BTNL9: variants seen among roughly 807,000 people sequenced by gnomAD.
The protein encoded by BTNL9 is butyrophilin like 9, also known as butyrophilin-like protein 9.
Under a neutral mutation model 45.8 loss-of-function variants are expected in BTNL9, and 45 were observed. That is an observed-to-expected ratio of 0.98 (90% confidence interval 0.77 to 1.26). BTNL9 has a LOEUF of 1.26. Ranked by LOEUF, BTNL9 falls within the 50% of genes most tolerant of loss-of-function variation. BTNL9 has a pLI of 0.00. For synonymous variants in BTNL9, 346 were observed against 330.8 expected, an observed-to-expected ratio of 1.05 and a Z score of -0.50; for missense variants, 784 against 729.7, an observed-to-expected ratio of 1.07 and a Z score of -0.86.
intron 2 of BTNL9, 152 bp from the exon 3 acceptor site, chr5:181,047,775 T>C (rs1761260881): frequency 1.3e-6 from 1 of 777,488 alleles, no homozygotes; most frequent in Admixed American, 3.0e-5. Flanking sequence ...TAAAAATTAC[T>C]TGTTCAAGGA....
Position 181,060,354 on chromosome 5 carries a change from A to G in BTNL9, c.*492A>G, listed in dbSNP as rs1164977749. 2 of 152,738 alleles carry G rather than the reference A, an allele frequency of 1.3e-5. No homozygotes were observed. Among genetic ancestry groups the G allele is most frequent in the Non-Finnish European group, 2.9e-5 (2 of 68,448 alleles). The allele number at this position is 152,738 out of a possible 1,614,324, so 9.5% of individuals were successfully genotyped here. On this transcript the variant is annotated 3_prime_UTR_variant, in exon 11 of 11. Transcript: ENST00000327705. The stretch of plus-strand genomic sequence containing the variant: ...TTCCCATTAAAATGAAGTTGGAGGA[A>G]CAGCTGCTTCTGGAGCCGGGGCAAA...
rs1381541650 is a variant in BTNL9 at position 181,050,949 on chromosome 5, T to C, written c.736+580T>C. 6.6e-6 allele frequency among the ~76,000 whole-genome samples: 1 copy of C among 151,598 alleles called. No individual in the cohort carries two copies. The highest frequency in any genetic ancestry group is 1.5e-5 in the Non-Finnish European group (1 of 67,880). ...TAAAATTACAAAAATTAGCCCGGCA[T>C]AGTGGCAGGCGCCTGTAATCCCAGC... is the stretch of plus-strand genomic sequence containing the variant. On this transcript the variant is annotated intron_variant, in intron 4 of 10. Transcript: ENST00000327705. The surrounding 1 kb of genome is among the most constrained non-coding windows in gnomAD (Gnocchi z 4.9).
rs972132601 is a variant in BTNL9 at position 181,053,653 on chromosome 5, G to C, written c.886+152G>C. On this transcript the variant is annotated intron_variant, in intron 6 of 10. Coordinates refer to ENST00000327705, the MANE Select transcript of BTNL9 (RefSeq NM_152547.5). The surrounding 1 kb of genome is among the most constrained non-coding windows in gnomAD (Gnocchi z 6.5). The stretch of plus-strand genomic sequence containing the variant: ...GGGGATCGGTGACCCCGGTGGGGAA[G>C]GGGGAAGATCGTTCATATGGACAAA... The C allele has an allele frequency of 2.0e-5, 30 of 1,535,918 alleles. 1 individual carries two copies. In the Admixed American group the frequency reaches 3.2e-4, roughly 17 times the overall value.
Position 181,053,546 on chromosome 5 carries a change from A to G in BTNL9, c.886+45A>G, listed in dbSNP as rs1405228777. ...TCTGCACGCACCTGCCCAAGTGCCA[A>G]AACCCGCCGTCATCTAAAGGCTGTG... On this transcript the variant is annotated intron_variant, in intron 6 of 10. Transcript: ENST00000327705. This position sits in a 1 kb window ranked among gnomAD's most constrained non-coding sequence, Gnocchi z 6.5. 9 of 1,556,066 alleles carry G rather than the reference A, an allele frequency of 5.8e-6. No homozygotes were observed. Among genetic ancestry groups the G allele is most frequent in the Non-Finnish European group, 7.0e-6 (8 of 1,149,680 alleles).
intron 9 of BTNL9, among the ~76,000 whole-genome samples, chr5:181,056,382 A>G (rs1761882826): frequency 1.3e-5 from 2 of 152,212 alleles, no homozygotes; most frequent in Admixed American, 1.3e-4. Context: ...TATTCTTGCA[A>G]AATGTGAATA....
chr5:181,046,422 C>T (rs2113169852), intron 2 of BTNL9, among the ~76,000 whole-genome samples: 1 of 152,272 alleles, frequency 6.6e-6, no homozygotes, highest in Non-Finnish European at 1.5e-5. Context: ...AACTCACTGG[C>T]CTGTGTTTGT....
At chr5:181,052,657 C>G (rs555310795) in intron 4 of BTNL9, 14 of 152,342 alleles carry the variant, frequency 9.2e-5, no homozygotes, top group African/African-American at 3.1e-4. Context: ...GCGCTGCCCC[C>G]GGCCACGTCC....
rs1186218401 is a variant in BTNL9, at chr5:181,048,135, G to T, written c.318G>T (p.Leu106Phe). Reference sequence around the variant, plus strand: ...CGGCGTTCCGGAACAGGACCAAGTTGGTCAAGGACGACATCGCCTATGGCA... The same window carrying T: ...CGGCGTTCCGGAACAGGACCAAGTTTGTCAAGGACGACATCGCCTATGGCA... ...QMPAFRNRTKLVKDDIAYGSV... is the reference protein window; with the variant it reads ...QMPAFRNRTKFVKDDIAYGSV... Residue 106 changes from leucine to phenylalanine, a missense_variant, in exon 3 of 11, where the codon TTG (leucine) becomes TTT (phenylalanine). Physicochemically the swap from Leu to Phe is conservative, Grantham distance 22 (BLOSUM62 0). Transcript: ENST00000327705. 1.2e-6 allele frequency: 2 copies of T among 1,613,526 alleles called. No individual in the cohort carries two copies. The highest frequency in any genetic ancestry group is 1.7e-6 in the Non-Finnish European group (2 of 1,180,040).
chr5:181,049,402 T>C (rs1224712821), intron 3 of BTNL9, among the ~76,000 whole-genome samples: 1 of 152,214 alleles, frequency 6.6e-6, no homozygotes, highest in East Asian at 1.9e-4. Flanking sequence ...TGAGGTGGTC[T>C]CTGAATGGAT....
rs548083666 is a variant in BTNL9, at chr5:181,050,879, G to C, written c.736+510G>C. Among the ~76,000 whole-genome samples the C allele has an allele frequency of 5.3e-5, 8 of 152,184 alleles. No homozygotes were observed. The highest frequency in any genetic ancestry group is 1.9e-4 in the African/African-American group (8 of 41,532). ...CAAGGCGGGTGGATCATGAGGTCAG[G>C]AGTTCAAGACCAGCCTGGCCAAGAT... On this transcript the variant is annotated intron_variant, in intron 4 of 10. Transcript: ENST00000327705. This position sits in a 1 kb window ranked among gnomAD's most constrained non-coding sequence, Gnocchi z 4.9.
Position 181,059,969 on chromosome 5 carries a change from T to G in BTNL9, c.*107T>G. On this transcript the variant is annotated 3_prime_UTR_variant, in exon 11 of 11. Coordinates refer to ENST00000327705, the MANE Select transcript of BTNL9 (RefSeq NM_152547.5). ...GGGAGCAGGTGCACCAGCCAAAATG[T>G]CAGCGAGGGGGACAAAGAGAGGGAC... is the stretch of plus-strand genomic sequence containing the variant. 2.0e-6 allele frequency: 2 copies of G among 1,024,012 alleles called. No individual in the cohort carries two copies. Among genetic ancestry groups the G allele is most frequent in the Non-Finnish European group, 2.8e-6 (2 of 723,890 alleles). 63.4% of individuals were successfully genotyped at this position (1,024,012 alleles called of 1,614,324 possible). A position where few individuals can be genotyped will look rare whatever the true frequency, so the allele number is the denominator to read the frequency against.
intron 9 of BTNL9, 145 bp from the exon 10 acceptor site, chr5:181,058,207 C>A: frequency 1.1e-6 from 1 of 950,520 alleles, no homozygotes; most frequent in Non-Finnish European, 1.7e-6. Flanking sequence ...ACCCCAAGAC[C>A]AGTCTGGATT....
At position 181,053,507 on chromosome 5, in the gene BTNL9, C is replaced by A; in HGVS notation, c.886+6C>A. On this transcript the variant is annotated splice_donor_region_variant and intron_variant, in intron 6 of 10. Coordinates refer to ENST00000327705, the MANE Select transcript of BTNL9 (RefSeq NM_152547.5). The surrounding 1 kb of genome is among the most constrained non-coding windows in gnomAD (Gnocchi z 6.5). ...GCAGGCGGAGAAGAGACAAGGTGAGCGGGGACAGGGCGTTCTGCACGCACC... is the reference window on the plus strand; with the variant it reads ...GCAGGCGGAGAAGAGACAAGGTGAGAGGGGACAGGGCGTTCTGCACGCACC... 1.3e-6 allele frequency: 2 copies of A among 1,576,512 alleles called. No individual in the cohort carries two copies. The highest frequency in any genetic ancestry group is 2.3e-5 in the East Asian group (1 of 43,380).
chr5:181,045,567 C>T lies in BTNL9; in HGVS notation c.78C>T (p.Leu26=). Residue 26 remains leucine, a synonymous_variant, in exon 2 of 11, where the codon CTC becomes CTT. Coordinates refer to ENST00000327705, the MANE Select transcript of BTNL9 (RefSeq NM_152547.5). ...LTSSLVFLMH[L]LLLQPGEPSS... ...GCAGTCTTGTCTTCCTCATGCACCT[C>T]CTCCTCCTTCAGCCTGGGGAGCCGA... 1 of 1,612,742 alleles carries T rather than the reference C, an allele frequency of 6.2e-7. No homozygotes were observed. Among genetic ancestry groups the T allele is most frequent in the Non-Finnish European group, 8.5e-7 (1 of 1,179,398 alleles).
chr5:181,059,867 C>A lies in BTNL9; in HGVS notation c.*5C>A. The A allele has an allele frequency of 6.5e-7, 1 of 1,536,702 alleles. No individual in the cohort carries two copies. The highest frequency in any genetic ancestry group is 8.7e-7 in the Non-Finnish European group (1 of 1,147,138). On this transcript the variant is annotated 3_prime_UTR_variant, in exon 11 of 11. Coordinates refer to ENST00000327705, the MANE Select transcript of BTNL9 (RefSeq NM_152547.5). ...CCCGCCCTGGACTGGTGGTGAGGCG[C>A]CCTCGTGGCCGCGGGACTGGCCCCG...
intron 9 of BTNL9, chr5:181,056,639 G>A (rs1305058433): frequency 2.8e-6 from 2 of 717,054 alleles, no homozygotes; most frequent in Non-Finnish European, 5.2e-6. Context: ...TTGCCTTACG[G>A]CGCTGTGTGG....
chr5:181,056,715 G>A (rs1378673310), intron 9 of BTNL9: 1 of 655,888 alleles, frequency 1.5e-6, no homozygotes, highest in Non-Finnish European at 2.8e-6. Flanking sequence ...TCCACTAAGG[G>A]GATAGTGGGA....
At chr5:181,046,715 G>C (rs543855245) in intron 2 of BTNL9, among the ~76,000 whole-genome samples, 2 of 151,714 alleles carry the variant, frequency 1.3e-5, no homozygotes, top group East Asian at 1.9e-4. Context: ...GAGAGGGAGA[G>C]AGAGAGAGAG....
At chr5:181,046,682 C>T (rs543373441) in intron 2 of BTNL9, among the ~76,000 whole-genome samples, 10 of 140,506 alleles carry the variant, frequency 7.1e-5, no homozygotes, top group East Asian at 2.0e-4. Flanking sequence ...AGAGAGAGAG[C>T]GAGAGAGAGA....
Sources: gnomAD v4.1 joint callset for allele counts (sites outside exome capture counted in the v4.1 genomes callset) on GRCh38, gnomAD v4.1.1 for gene constraint, Gnocchi (gnomAD v3.1) non-coding constraint, MANE v1.5 for transcripts, NCBI Gene and HGNC (gene_info 2026-07-23, HGNC 2026-07-21) for gene names.